Variants in PREX2 observed in about 807,000 individuals in gnomAD.
PREX2 encodes the protein phosphatidylinositol-3,4,5-trisphosphate dependent Rac exchange factor 2.
PREX2 carries 107 observed loss-of-function variants against 203.2 expected under a neutral mutation model. That is an observed-to-expected ratio of 0.53 (90% CI 0.45 to 0.62). The LOEUF (loss-of-function observed/expected upper bound fraction) is 0.62. Among genes scored for constraint, PREX2 ranks in the 20% least tolerant of loss-of-function variants. The pLI is 0.00. For synonymous variants in PREX2, 672 were observed against 663.6 expected (o/e 1.01, Z -0.19); for missense variants, 1,777 against 1,955.9 (o/e 0.91, Z 1.72).
chr8:68,105,690 T>TATATATATATGGATATATATATAC (rs1386731286), intron 23 of PREX2: 1 of 251,500 alleles, frequency 4.0e-6, no homozygotes, highest in East Asian at 1.8e-4. Flanking sequence ...ATTATATATA[T>TATATATATATGGATATATATATAC]ATATATATAT....
intron 1 of PREX2, 169 bp downstream of exon 1, chr8:67,952,704 C>A (rs1481171215): frequency 1.1e-6 from 1 of 907,902 alleles, no homozygotes. Context: ...GGCGCGGTGA[C>A]CCCCGCGGGG....
chr8:68,173,631 T>C (rs1014309687), intron 35 of PREX2, among the ~76,000 whole-genome samples: 1 of 152,190 alleles, frequency 6.6e-6, no homozygotes, highest in African/African-American at 2.4e-5. Context: ...TAATGCAATT[T>C]TTAGGTAAGG....
intron 37 of PREX2, among the ~76,000 whole-genome samples, chr8:68,203,079 C>T (rs1812539497): frequency 6.6e-6 from 1 of 152,196 alleles, no homozygotes; most frequent in Non-Finnish European, 1.5e-5. Flanking sequence ...CCTTCAGAAA[C>T]ACCCTCACAG....
At chr8:68,135,946 C>A (rs896742836) in intron 32 of PREX2, among the ~76,000 whole-genome samples, 3 of 152,040 alleles carry the variant, frequency 2.0e-5, no homozygotes, top group East Asian at 3.9e-4. Flanking sequence ...ACACTGAAAG[C>A]ATTATACTAA....
intron 11 of PREX2, among the ~76,000 whole-genome samples, chr8:68,065,917 T>G (rs1809003780): frequency 6.6e-6 from 1 of 152,194 alleles, no homozygotes; most frequent in African/African-American, 2.4e-5. Flanking sequence ...TTTATGGAGG[T>G]ATAATTGACA....
chr8:67,983,351 C>A (rs1806326093), intron 1 of PREX2, among the ~76,000 whole-genome samples: 1 of 86,502 alleles, frequency 1.2e-5, no homozygotes, highest in East Asian at 6.0e-4. Context: ...GCTGTGCTGG[C>A]TGAGTGATGT....
At position 68,232,598 on chromosome 8, in the gene PREX2, A is replaced by G. The variant is rs1408175822; in HGVS notation, c.*1220A>G. ...TATGTGAAATGCTTTTCATATCTAAATTATGTGCAAACTATTATTAATTTT... is the reference window on the plus strand; with the variant it reads ...TATGTGAAATGCTTTTCATATCTAAGTTATGTGCAAACTATTATTAATTTT... On this transcript the variant is annotated 3_prime_UTR_variant, in exon 40 of 40. Transcript: ENST00000288368. The G allele has an allele frequency of 6.6e-6, 1 of 152,108 alleles. No individual in the cohort carries two copies. Among genetic ancestry groups the G allele is most frequent in the Non-Finnish European group, 1.5e-5 (1 of 68,012 alleles). The allele number at this position is 152,108 out of a possible 1,614,324, so 9.4% of individuals were successfully genotyped here.
chr8:68,152,019 G>T (rs1453134889), intron 34 of PREX2, among the ~76,000 whole-genome samples: 2 of 151,776 alleles, frequency 1.3e-5, no homozygotes, highest in Admixed American at 6.6e-5. Flanking sequence ...GCCAGGCGTG[G>T]TGGCTCACGC....
At chr8:68,079,846 GAA>G (rs1809459851) in intron 15 of PREX2, among the ~76,000 whole-genome samples, 1 of 152,102 alleles carries the variant, frequency 6.6e-6, no homozygotes, top group Non-Finnish European at 1.5e-5. Context: ...GACCTTTCTA[GAA>G]ATAAGGTTAT....
chr8:68,196,058 A>G (rs1426847839), intron 37 of PREX2, among the ~76,000 whole-genome samples: 1 of 152,104 alleles, frequency 6.6e-6, no homozygotes, highest in Non-Finnish European at 1.5e-5. Flanking sequence ...TTCCCAAAGC[A>G]TTTAGCCTGG....
chr8:68,026,226 T>C (rs1267011659), intron 4 of PREX2, among the ~76,000 whole-genome samples: 1 of 152,090 alleles, frequency 6.6e-6, no homozygotes, highest in African/African-American at 2.4e-5. Context: ...GACACACATA[T>C]TGAGGCTGAT....
rs185055744 is a variant in PREX2 at position 67,998,681 on chromosome 8, G to T, written c.142-19165G>T. On this transcript the variant is annotated intron_variant, in intron 1 of 39. Coordinates refer to ENST00000288368, the MANE Select transcript of PREX2 (RefSeq NM_024870.4). ...TACTCAGGTGGTGACGAGGTGGGAG[G>T]GTTGCTTGAGCCCAGGAGTTTGAGG... Among the ~76,000 whole-genome samples, 1,418 of 152,234 alleles carry T rather than the reference G, an allele frequency of 9.3e-3. 18 individuals are homozygous for T. Among genetic ancestry groups the T allele is most frequent in the African/African-American group, 0.031 (1,294 of 41,550 alleles).
intron 35 of PREX2, among the ~76,000 whole-genome samples, chr8:68,173,002 T>C (rs1044381126): frequency 6.6e-6 from 1 of 152,062 alleles, no homozygotes; most frequent in Non-Finnish European, 1.5e-5. Flanking sequence ...TCAATCACTC[T>C]CTTCTTTAAA....
At chr8:67,980,362 T>C (rs73683260) in intron 1 of PREX2, among the ~76,000 whole-genome samples, 4,541 of 150,990 alleles carry the variant, frequency 0.03, 219 homozygotes, top group African/African-American at 0.1. Context: ...GTGGAATTGA[T>C]AGGAGTTGAA....
chr8:68,158,187 TTCTTA>T (rs1811583840), intron 35 of PREX2, among the ~76,000 whole-genome samples: 1 of 151,026 alleles, frequency 6.6e-6, no homozygotes. Flanking sequence ...ACATATCTCC[TTCTTA>T]TCTTATGAAT....
At chr8:68,138,550 G>A (rs1278098779) in intron 33 of PREX2, 33 bp downstream of exon 33, 2 of 1,050,564 alleles carry the variant, frequency 1.9e-6, no homozygotes, top group East Asian at 2.4e-5. Flanking sequence ...AATTTATTTG[G>A]CATCAAATAA....
intron 8 of PREX2, among the ~76,000 whole-genome samples, chr8:68,046,257 T>G (rs1036962776): frequency 1.3e-5 from 2 of 152,066 alleles, no homozygotes; most frequent in Non-Finnish European, 2.9e-5. Flanking sequence ...TAGTGCCATC[T>G]GCATTGGTGA....
intron 1 of PREX2, among the ~76,000 whole-genome samples, chr8:67,990,298 T>TA (rs1177480732): frequency 1.4e-4 from 21 of 151,492 alleles, no homozygotes; most frequent in Admixed American, 1.4e-3. Flanking sequence ...GAGTGAATCT[T>TA]AAGAGTCCTG....
intron 38 of PREX2, among the ~76,000 whole-genome samples, chr8:68,221,624 T>C (rs550618754): frequency 1.3e-5 from 2 of 152,160 alleles, no homozygotes; most frequent in South Asian, 4.2e-4. Context: ...AGTATTTAAG[T>C]AGAGGGAGCA....
Sources: gnomAD v4.1 joint callset for allele counts (sites outside exome capture counted in the v4.1 genomes callset) on GRCh38, gnomAD v4.1.1 for gene constraint, MANE v1.5 for transcripts, NCBI Gene and HGNC (gene_info 2026-07-23, HGNC 2026-07-21) for gene names.